Variants in OR5T1 observed in about 807,000 individuals in gnomAD.
OR5T1 encodes the protein olfactory receptor family 5 subfamily T member 1.
OR5T1 carries 14 observed loss-of-function variants against 10.1 expected under a neutral mutation model. The ratio of observed to expected loss-of-function variants is 1.39; its 90% confidence interval spans 0.92 to 2.18. OR5T1 has a LOEUF of 2.18. Among genes scored for constraint, OR5T1 ranks in the 30% most tolerant of loss-of-function variants. The pLI is 0.00. For missense variants in OR5T1, 461 were observed against 383.9 expected, an observed-to-expected ratio of 1.20 and a Z score of -1.68; for synonymous variants, 166 against 141.2, an observed-to-expected ratio of 1.18 and a Z score of -1.24.
Position 56,276,137 on chromosome 11 carries a change from C to T in OR5T1, c.499C>T (p.His167Tyr). The T allele has an allele frequency of 1.2e-6, 2 of 1,614,164 alleles. No individual in the cohort carries two copies. The highest frequency in any genetic ancestry group is 1.7e-6 in the Non-Finnish European group (2 of 1,180,026). ...TGCTTCCTATGTTGCTAGCATTTTA[C>T]ATGCTACTATACATACAGTGGCTAC... ...ITASYVASIL[H>Y]ATIHTVATFS... The change falls in exon 3 of 3, where the codon CAT becomes TAT. Residue 167 changes from histidine to tyrosine, a missense_variant. Transcript: ENST00000641665.
At position 56,276,149 on chromosome 11, in the gene OR5T1, C is replaced by A. The variant is rs2134819462; in HGVS notation, c.511C>A (p.His171Asn). ...TGCTAGCATTTTACATGCTACTATACATACAGTGGCTACATTTAGCCTGTC... is the reference window on the plus strand; with the variant it reads ...TGCTAGCATTTTACATGCTACTATAAATACAGTGGCTACATTTAGCCTGTC... ...YVASILHATI[H>N]TVATFSLSFC... The change falls in exon 3 of 3, where the codon CAT (histidine) becomes AAT (asparagine). Residue 171 changes from histidine to asparagine, a missense_variant. His to Asn is a moderately conservative substitution (Grantham distance 68). Transcript: ENST00000641665. The A allele has an allele frequency of 6.2e-7, 1 of 1,614,162 alleles. No homozygotes were observed. The highest frequency in any genetic ancestry group is 8.5e-7 in the Non-Finnish European group (1 of 1,180,018).
At position 56,276,087 on chromosome 11, in the gene OR5T1, C is replaced by T. The variant is rs375727381; in HGVS notation, c.449C>T (p.Pro150Leu). The change falls in exon 3 of 3, where the codon CCC becomes CTC. Residue 150 changes from proline (P) to leucine (L), a missense_variant. Coordinates refer to ENST00000641665, the MANE Select transcript of OR5T1 (RefSeq NM_001004745.2). ...CTCCTGTATTCAGTGAGCATGTCAC[C>T]CAGAGTCTATGTGCCACTCATCACT... ...NPLLYSVSMS[P>L]RVYVPLITAS... 24 of 1,614,044 alleles carry T rather than the reference C, an allele frequency of 1.5e-5. No homozygotes were observed. The highest frequency in any genetic ancestry group is 5.1e-6 in the Non-Finnish European group (6 of 1,180,042).
Position 56,276,695 on chromosome 11 carries a change from ATG to A in OR5T1, c.*80_*81del. 2 of 1,094,074 alleles carry A rather than the reference ATG, an allele frequency of 1.8e-6. No individual in the cohort carries two copies. The allele number at this position is 1,094,074 out of a possible 1,614,324, so 67.8% of individuals were successfully genotyped here. ...CTATGGTCAGAAAGTAGAGAAGAAA[ATG>A]TGTTTCTTTTAGTTAACAGTGCTTG... On this transcript the variant is annotated 3_prime_UTR_variant, in exon 3 of 3. Transcript: ENST00000641665.
At chr11:56,275,324 C>T (rs967739515) in intron 2 of OR5T1, among the ~76,000 whole-genome samples, 162 bp from the exon 3 acceptor site, 1 of 152,170 alleles carries the variant, frequency 6.6e-6, no homozygotes, top group Admixed American at 6.5e-5. Flanking sequence ...TCCATGTGTT[C>T]TCATTGTTCA....
At position 56,275,947 on chromosome 11, in the gene OR5T1, TATTTC is replaced by T. The variant is rs1405629983; in HGVS notation, c.315_319del (p.Phe106TrpfsTer26). On this transcript the variant is annotated frameshift_variant, in exon 3 of 3. Coordinates refer to ENST00000641665, the MANE Select transcript of OR5T1 (RefSeq NM_001004745.2). LOFTEE classifies it high-confidence loss of function. ...TCAATTTCCTGGCAAAAAATAAATC[TATTTC>T]ATTTCTTGGATGTGCAACACAGATG... The T allele has an allele frequency of 9.3e-6, 15 of 1,614,098 alleles. No homozygotes were observed. The highest frequency in any genetic ancestry group is 1.3e-5 in the Non-Finnish European group (15 of 1,180,036).
chr11:56,275,570 T>G lies in OR5T1; in HGVS notation c.-69T>G. The stretch of plus-strand genomic sequence containing the variant: ...ATCTTGCTTTTCCAAGAAACGAACA[T>G]GAGGATATAATTGGATAAACTTAAT... On this transcript the variant is annotated 5_prime_UTR_variant, in exon 3 of 3. An upstream start codon of the reference 5' UTR is lost. Transcript: ENST00000641665. 3.7e-5 allele frequency: 46 copies of G among 1,244,622 alleles called. No individual in the cohort carries two copies. The highest frequency in any genetic ancestry group is 5.6e-4 in the Middle Eastern group (2 of 3,556). The allele number at this position is 1,244,622 out of a possible 1,614,324, so 77.1% of individuals were successfully genotyped here. A position where few individuals can be genotyped will look rare whatever the true frequency, so the allele number is the denominator to read the frequency against.
In OR5T1 at chr11:56,276,189, A is replaced by G. The variant is rs144706198; in HGVS notation, c.551A>G (p.Asn184Ser). Residue 184 changes from asparagine to serine, a missense_variant, in exon 3 of 3, where the codon AAT becomes AGT. Physicochemically the swap from Asn to Ser is conservative, Grantham distance 46 (BLOSUM62 1). Coordinates refer to ENST00000641665, the MANE Select transcript of OR5T1 (RefSeq NM_001004745.2). ...ATFSLSFCGSNEIRHVFCNMP... is the reference protein window; with the variant it reads ...ATFSLSFCGSSEIRHVFCNMP... ...TTTAGCCTGTCCTTCTGTGGATCCAATGAAATTAGGCATGTCTTTTGTAAT... is the reference window on the plus strand; with the variant it reads ...TTTAGCCTGTCCTTCTGTGGATCCAGTGAAATTAGGCATGTCTTTTGTAAT... The G allele has an allele frequency of 2.5e-6, 4 of 1,614,136 alleles. No homozygotes were observed. In the South Asian group the frequency reaches 4.4e-5, roughly 18 times the overall value.
chr11:56,276,273 TC>T lies in OR5T1; in HGVS notation c.636del (p.Tyr213ThrfsTer8), dbSNP rs1429670036. ...SDTHVIQLLF[F>X]YFVGSIEIVT... The stretch of plus-strand genomic sequence containing the variant: ...ACTCACGTAATCCAGCTTCTATTCT[TC>T]TACTTTGTGGGCTCTATTGAGATAG... On this transcript the variant is annotated frameshift_variant, in exon 3 of 3. Coordinates refer to ENST00000641665, the MANE Select transcript of OR5T1 (RefSeq NM_001004745.2). LOFTEE classifies it low-confidence loss of function (END_TRUNC). The T allele has an allele frequency of 6.2e-7, 1 of 1,614,030 alleles. No homozygotes were observed. Among genetic ancestry groups the T allele is most frequent in the East Asian group, 2.2e-5 (1 of 44,876 alleles).
chr11:56,276,746 A>ATTTTC lies in OR5T1; in HGVS notation c.*127_*128insTTTTC. On this transcript the variant is annotated 3_prime_UTR_variant, in exon 3 of 3. Transcript: ENST00000641665. ...TGTAACTTCTAGAATATTTTCAAATAAAGCATCAATCAGCCTACTAATTCA... is the reference window on the plus strand; with the variant it reads ...TGTAACTTCTAGAATATTTTCAAATATTTTCAAGCATCAATCAGCCTACTAATTCA... 1 of 668,708 alleles carries ATTTTC rather than the reference A, an allele frequency of 1.5e-6. No homozygotes were observed. Among genetic ancestry groups the ATTTTC allele is most frequent in the East Asian group, 2.7e-5 (1 of 36,848 alleles). The allele number at this position is 668,708 out of a possible 1,614,324, so 41.4% of individuals were successfully genotyped here. A position where few individuals can be genotyped will look rare whatever the true frequency, so the allele number is the denominator to read the frequency against.
At position 56,275,575 on chromosome 11, in the gene OR5T1, A is replaced by G. The variant is rs1201211897; in HGVS notation, c.-64A>G. ...GCTTTTCCAAGAAACGAACATGAGG[A>G]TATAATTGGATAAACTTAATTTTCA... is the stretch of plus-strand genomic sequence containing the variant. On this transcript the variant is annotated 5_prime_UTR_variant, in exon 3 of 3. Coordinates refer to ENST00000641665, the MANE Select transcript of OR5T1 (RefSeq NM_001004745.2). 10 of 1,274,880 alleles carry G rather than the reference A, an allele frequency of 7.8e-6. No homozygotes were observed. Among genetic ancestry groups the G allele is most frequent in the African/African-American group, 3.0e-5 (2 of 67,014 alleles). The allele number at this position is 1,274,880 out of a possible 1,614,324, so 79.0% of individuals were successfully genotyped here.
Position 56,276,526 on chromosome 11 carries a change from G to T in OR5T1, c.888G>T (p.Met296Ile). Residue 296 changes from methionine (M) to isoleucine (I), a missense_variant, in exon 3 of 3, where the codon ATG becomes ATT. Met to Ile is a conservative substitution (Grantham distance 10, BLOSUM62 1). Coordinates refer to ENST00000641665, the MANE Select transcript of OR5T1 (RefSeq NM_001004745.2). ...TATTTTATACCATTGTGATTCCCAT[G>T]CTGAATCCCATCATCTACAGTTTGC... The part of the protein sequence containing the change: ...VSIFYTIVIP[M>I]LNPIIYSLRN... 6.2e-7 allele frequency: 1 copy of T among 1,613,066 alleles called. No homozygotes were observed. Among genetic ancestry groups the T allele is most frequent in the South Asian group, 1.1e-5 (1 of 91,048 alleles).
In OR5T1 at chr11:56,276,154, AGT is replaced by A. The variant is rs770621046; in HGVS notation, c.518_519del (p.Val173GlyfsTer4). 4.3e-5 allele frequency: 70 copies of A among 1,614,062 alleles called. No homozygotes were observed. The highest frequency in any genetic ancestry group is 5.4e-5 in the Non-Finnish European group (64 of 1,180,036). ...GCATTTTACATGCTACTATACATAC[AGT>A]GGCTACATTTAGCCTGTCCTTCTGT... ...ASILHATIHTVATFSLSFCGS... is the reference protein window; with the variant it reads ...ASILHATIHTXATFSLSFCGS... On this transcript the variant is annotated frameshift_variant, in exon 3 of 3. Coordinates refer to ENST00000641665, the MANE Select transcript of OR5T1 (RefSeq NM_001004745.2). LOFTEE classifies it high-confidence loss of function.
At position 56,275,555 on chromosome 11, in the gene OR5T1, T is replaced by C; in HGVS notation, c.-84T>C. On this transcript the variant is annotated 5_prime_UTR_variant, in exon 3 of 3. Transcript: ENST00000641665. ...GCTGACAAGGATTTCATCTTGCTTT[T>C]CCAAGAAACGAACATGAGGATATAA... The C allele has an allele frequency of 8.7e-7, 1 of 1,145,796 alleles. No homozygotes were observed. Among genetic ancestry groups the C allele is most frequent in the Non-Finnish European group, 1.2e-6 (1 of 812,338 alleles). The allele number at this position is 1,145,796 out of a possible 1,614,324, so 71.0% of individuals were successfully genotyped here.
At position 56,275,789 on chromosome 11, in the gene OR5T1, C is replaced by T; in HGVS notation, c.151C>T (p.Leu51=). ...ATTTTTAGCAATCTATCTATTCACT[C>T]TAATAGGCAATTTAGGGCTGGTTGT... ...LLFLAIYLFT[L]IGNLGLVVPI... Residue 51 remains leucine (L), a synonymous_variant, in exon 3 of 3, where the codon CTA becomes TTA. Coordinates refer to ENST00000641665, the MANE Select transcript of OR5T1 (RefSeq NM_001004745.2). 6.2e-7 allele frequency: 1 copy of T among 1,613,046 alleles called. No homozygotes were observed. Among genetic ancestry groups the T allele is most frequent in the East Asian group, 2.2e-5 (1 of 44,856 alleles).
rs375727381 is a variant in OR5T1 at position 56,276,087 on chromosome 11, C to G, written c.449C>G (p.Pro150Arg). ...NPLLYSVSMS[P>R]RVYVPLITAS... Reference sequence around the variant, plus strand: ...CTCCTGTATTCAGTGAGCATGTCACCCAGAGTCTATGTGCCACTCATCACT... The same window carrying G: ...CTCCTGTATTCAGTGAGCATGTCACGCAGAGTCTATGTGCCACTCATCACT... Residue 150 changes from proline (P) to arginine (R), a missense_variant, in exon 3 of 3, where the codon CCC (proline) becomes CGC (arginine). Pro to Arg is a moderately radical substitution (Grantham distance 103). Coordinates refer to ENST00000641665, the MANE Select transcript of OR5T1 (RefSeq NM_001004745.2). The G allele has an allele frequency of 4.3e-6, 7 of 1,614,044 alleles. No individual in the cohort carries two copies. In the Admixed American group the frequency reaches 6.7e-5, roughly 15 times the overall value.
intron 1 of OR5T1, 115 bp downstream of exon 1, chr11:56,274,287 T>C (rs755645227): frequency 2.0e-5 from 3 of 152,214 alleles, no homozygotes; most frequent in Non-Finnish European, 4.4e-5. Context: ...CTGTTTAATG[T>C]GAAGCTGTAT....
At chr11:56,275,116 A>T (rs182382040) in intron 2 of OR5T1, among the ~76,000 whole-genome samples, 1 of 152,350 alleles carries the variant, frequency 6.6e-6, no homozygotes, top group East Asian at 1.9e-4. Flanking sequence ...TAAACTGATT[A>T]AATAGACTTT....
rs879006487 is a variant in OR5T1, at chr11:56,275,530, G to T, written c.-109G>T. ...CAATTTTATCACCACCTGTGCATTT[G>T]CTGACAAGGATTTCATCTTGCTTTT... On this transcript the variant is annotated 5_prime_UTR_variant, in exon 3 of 3. Transcript: ENST00000641665. The T allele has an allele frequency of 1.2e-6, 1 of 824,858 alleles. No individual in the cohort carries two copies. The highest frequency in any genetic ancestry group is 1.9e-6 in the Non-Finnish European group (1 of 523,920). 51.1% of individuals were successfully genotyped at this position (824,858 alleles called of 1,614,324 possible).
At chr11:56,275,254 T>C (rs775843717) in intron 2 of OR5T1, among the ~76,000 whole-genome samples, 3 of 152,116 alleles carry the variant, frequency 2.0e-5, no homozygotes, top group Non-Finnish European at 4.4e-5. Flanking sequence ...CGTAACGTTA[T>C]CCCTCCCCTA....
Sources: allele counts gnomAD v4.1 joint callset (sites outside exome capture counted in the v4.1 genomes callset), GRCh38; gene constraint gnomAD v4.1.1; transcripts MANE v1.5; gene names NCBI Gene and HGNC (gene_info 2026-07-23, HGNC 2026-07-21).